The following GRK4 variants were observed in gnomAD, a reference collection of about 807,000 sequenced individuals.
GRK4 encodes G protein-coupled receptor kinase 4.
A neutral mutation model predicts 77.9 loss-of-function variants in GRK4; 73 were observed. That is an observed-to-expected ratio of 0.94 (90% CI 0.78 to 1.14). The LOEUF is 1.14. Among genes scored for constraint, GRK4 ranks in the 50% most tolerant of loss-of-function variants. GRK4 has a pLI of 0.00. For synonymous variants in GRK4, 257 were observed against 254.4 expected, an observed-to-expected ratio of 1.01 and a Z score of -0.10; for missense variants, 729 against 700.2, an observed-to-expected ratio of 1.04 and a Z score of -0.46.
intron 4 of GRK4, among the ~76,000 whole-genome samples, chr4:3,001,974 C>G (rs1256563628): frequency 6.6e-6 from 1 of 152,116 alleles, no homozygotes; most frequent in Non-Finnish European, 1.5e-5. Context: ...CATGTGTTTC[C>G]TTTTTCCAGA....
At position 3,001,453 on chromosome 4, in the gene GRK4, G is replaced by C. The variant is rs999644300; in HGVS notation, c.340-2778G>C. On this transcript the variant is annotated intron_variant, in intron 4 of 15. Coordinates refer to ENST00000398052, the MANE Select transcript of GRK4 (RefSeq NM_182982.3). ...GTGATCTTGGCTCACTGCAACCTCTGCCTCCTGGGTTCAAGTGATTCCCCT... is the reference window on the plus strand; with the variant it reads ...GTGATCTTGGCTCACTGCAACCTCTCCCTCCTGGGTTCAAGTGATTCCCCT... Among the ~76,000 whole-genome samples the C allele has an allele frequency of 2.0e-5, 3 of 149,326 alleles. No homozygotes were observed. In the Admixed American group the frequency reaches 2.0e-4, roughly 10 times the overall value.
At chr4:2,998,248 C>T (rs1390885608) in intron 4 of GRK4, among the ~76,000 whole-genome samples, 1 of 151,838 alleles carries the variant, frequency 6.6e-6, no homozygotes, top group Non-Finnish European at 1.5e-5. Flanking sequence ...ATCCCAGCTA[C>T]TTGGAAGCTG....
At chr4:2,969,706 C>T (rs1299219444) in intron 1 of GRK4, among the ~76,000 whole-genome samples, 4 of 151,032 alleles carry the variant, frequency 2.6e-5, no homozygotes. Context: ...GGGTCTCACT[C>T]TGTTACCCCG....
chr4:3,014,120 T>G (rs556443609), intron 8 of GRK4, among the ~76,000 whole-genome samples: 2 of 152,102 alleles, frequency 1.3e-5, no homozygotes, highest in Non-Finnish European at 2.9e-5. Context: ...CCTGCCAGCT[T>G]GCAGAGGCTC....
At chr4:3,015,640 A>C (rs1462566518) in intron 8 of GRK4, among the ~76,000 whole-genome samples, 1 of 148,514 alleles carries the variant, frequency 6.7e-6, no homozygotes, top group South Asian at 2.1e-4. Flanking sequence ...ACGCCACTGC[A>C]CTCCAGCCTG....
chr4:3,008,810 A>G (rs1372363859), intron 6 of GRK4, among the ~76,000 whole-genome samples: 4 of 152,094 alleles, frequency 2.6e-5, no homozygotes, highest in Non-Finnish European at 5.9e-5. Context: ...CTCAAAAAAA[A>G]AAAAAAAAGT....
chr4:3,035,495 A>G lies in GRK4; in HGVS notation c.1379A>G (p.Asn460Ser), dbSNP rs1157084727. The change falls in exon 13 of 16, where the codon AAC becomes AGC. Residue 460 changes from asparagine (N) to serine (S), a missense_variant. Physicochemically the swap from Asn to Ser is conservative, Grantham distance 46. Transcript: ENST00000398052. ...ATCAACTTCAGGAGGCTGGAGGCAA[A>G]CATGCTGGAGCCCCCTTTCTGTCCT... ...KDINFRRLEA[N>S]MLEPPFCPDP... is the part of the protein sequence containing the mutation. 3 of 1,613,980 alleles carry G rather than the reference A, an allele frequency of 1.9e-6. No homozygotes were observed. The Middle Eastern group carries it at 5.0e-4, about 268-fold the overall frequency.
At chr4:3,027,034 T>G (rs1737775906) in intron 10 of GRK4, among the ~76,000 whole-genome samples, 1 of 152,214 alleles carries the variant, frequency 6.6e-6, no homozygotes, top group Admixed American at 6.5e-5. Flanking sequence ...AACAGAATGT[T>G]TTCGATAATT....
intron 1 of GRK4, among the ~76,000 whole-genome samples, chr4:2,978,969 C>G (rs1318515420): frequency 6.6e-6 from 1 of 152,088 alleles, no homozygotes; most frequent in Non-Finnish European, 1.5e-5. Flanking sequence ...GTGACTCACG[C>G]CTGTGATCCC....
intron 9 of GRK4, 146 bp downstream of exon 9, chr4:3,019,977 C>A: frequency 1.3e-6 from 1 of 743,740 alleles, no homozygotes. Context: ...GGGTTGGTCA[C>A]TTACACTATT....
At chr4:3,014,777 A>G (rs1330925078) in intron 8 of GRK4, among the ~76,000 whole-genome samples, 1 of 151,992 alleles carries the variant, frequency 6.6e-6, no homozygotes, top group Non-Finnish European at 1.5e-5. Flanking sequence ...AGCCTGGGCA[A>G]CAGAGCGAGA....
At chr4:3,005,087 A>G (rs913499171) in intron 5 of GRK4, among the ~76,000 whole-genome samples, 2 of 148,866 alleles carry the variant, frequency 1.3e-5, no homozygotes, top group Non-Finnish European at 3.0e-5. Flanking sequence ...CACCAAAAAC[A>G]TCTTTTTTCA....
intron 12 of GRK4, among the ~76,000 whole-genome samples, chr4:3,030,430 T>TC (rs1302633397): frequency 6.6e-6 from 1 of 152,156 alleles, no homozygotes; most frequent in African/African-American, 2.4e-5. Context: ...ATTTTTTTTT[T>TC]CATTTATTTT....
chr4:3,035,216 G>T (rs1466321382), intron 12 of GRK4, among the ~76,000 whole-genome samples, 170 bp from the exon 13 acceptor site: 2 of 151,668 alleles, frequency 1.3e-5, no homozygotes, highest in East Asian at 1.9e-4. Context: ...CTGCACTCCA[G>T]CCTGGGTGAC....
intron 1 of GRK4, chr4:2,966,377 A>G (rs1214345749): frequency 6.6e-6 from 1 of 150,668 alleles, no homozygotes; most frequent in South Asian, 2.1e-4. Context: ...GCGCCACGGC[A>G]CTCCAGCCTG....
At chr4:3,006,136 T>C (rs58112051) in intron 5 of GRK4, among the ~76,000 whole-genome samples, 1,549 of 152,178 alleles carry the variant, frequency 0.01, 29 homozygotes, top group African/African-American at 0.036. Context: ...TCCCAACACT[T>C]TGGGAGGCCG....
chr4:2,974,862 G>A (rs984222179), intron 1 of GRK4, among the ~76,000 whole-genome samples: 3 of 152,184 alleles, frequency 2.0e-5, no homozygotes, highest in African/African-American at 7.2e-5. Flanking sequence ...TACTAGCTGG[G>A]CAGCCACATC....
chr4:2,984,799 G>A (rs1169564023), intron 2 of GRK4, among the ~76,000 whole-genome samples, 191 bp downstream of exon 2: 6 of 151,936 alleles, frequency 3.9e-5, no homozygotes, highest in African/African-American at 2.4e-5. Context: ...GTTGGCTGTT[G>A]ACTTTTTCAT....
At chr4:3,020,401 AG>A (rs1200114304) in intron 9 of GRK4, among the ~76,000 whole-genome samples, 1 of 152,218 alleles carries the variant, frequency 6.6e-6, no homozygotes, top group Admixed American at 6.5e-5. Context: ...AAGCATAAGA[AG>A]AGCCCATTTC....
Sources: gnomAD v4.1 joint callset for allele counts (sites outside exome capture counted in the v4.1 genomes callset) on GRCh38, gnomAD v4.1.1 for gene constraint, MANE v1.5 for transcripts, NCBI Gene and HGNC (gene_info 2026-07-23, HGNC 2026-07-21) for gene names.